Variants in C2orf76 observed in about 807,000 individuals in gnomAD.
C2orf76 encodes UPF0538 protein C2orf76.
A neutral mutation model predicts 16.9 loss-of-function variants in C2orf76; 23 were observed. The observed-to-expected ratio is 1.36, with a 90% CI of 0.98 to 1.93. C2orf76 has a LOEUF of 1.93. Among genes scored for constraint, C2orf76 ranks in the 30% most tolerant of loss-of-function variants. The pLI, the probability that C2orf76 is intolerant of heterozygous loss-of-function variation, is 0.00. For synonymous variants in C2orf76, 48 were observed against 52.3 expected, an observed-to-expected ratio of 0.92 and a Z score of 0.35; for missense variants, 152 against 152.6, an observed-to-expected ratio of 1.00 and a Z score of 0.02.
At position 119,322,769 on chromosome 2, in the gene C2orf76, C is replaced by A. The variant is rs187399169; in HGVS notation, c.134-1565G>T. Among the ~76,000 whole-genome samples the A allele has an allele frequency of 2.1e-4, 31 of 148,128 alleles. No individual in the cohort carries two copies. The East Asian group carries it at 6.0e-3, about 29-fold the overall frequency. ...TCAAGGCTAAAGAGATATGAGAGAA[C>A]ATTATTTTTAGGAAGCTACCTTTTG... On this transcript the variant is annotated intron_variant, in intron 2 of 5. Coordinates refer to ENST00000334816, the MANE Select transcript of C2orf76 (RefSeq NM_001322331.2).
chr2:119,299,795 T>C (rs1221991674), downstream of C2orf76, among the ~76,000 whole-genome samples: 17 of 152,242 alleles, frequency 1.1e-4, no homozygotes. Flanking sequence ...TGCTTAATTT[T>C]ATATTTTAAA....
chr2:119,360,892 T>C (rs1680724033), intron 1 of C2orf76, among the ~76,000 whole-genome samples: 1 of 152,198 alleles, frequency 6.6e-6, no homozygotes, highest in African/African-American at 2.4e-5. Context: ...AAAGGCTATA[T>C]ACCACAATTT....
chr2:119,308,749 G>A (rs1678878940), intron 5 of C2orf76, among the ~76,000 whole-genome samples: 1 of 152,206 alleles, frequency 6.6e-6, no homozygotes, highest in Admixed American at 6.5e-5. Flanking sequence ...ATACAGGGAA[G>A]GTCAGGGCTA....
chr2:119,342,788 G>T (rs1205650484), intron 1 of C2orf76, among the ~76,000 whole-genome samples: 1 of 151,954 alleles, frequency 6.6e-6, no homozygotes, highest in Non-Finnish European at 1.5e-5. Context: ...TTGAGATGGA[G>T]TCTCACTCTG....
At chr2:119,306,762 G>T (rs533487366) in intron 5 of C2orf76, among the ~76,000 whole-genome samples, 2 of 121,066 alleles carry the variant, frequency 1.7e-5, no homozygotes, top group Non-Finnish European at 3.4e-5. Context: ...TTTGAAGTAC[G>T]TATTTTCGTA....
intron 1 of C2orf76, among the ~76,000 whole-genome samples, chr2:119,342,412 A>C (rs1573666281): frequency 6.6e-6 from 1 of 152,072 alleles, no homozygotes; most frequent in African/African-American, 2.4e-5. Context: ...GGAGTTCGAG[A>C]CCATCCTGGC....
At chr2:119,309,411 T>C (rs1678910127) in intron 5 of C2orf76, among the ~76,000 whole-genome samples, 1 of 130,486 alleles carries the variant, frequency 7.7e-6, no homozygotes, top group South Asian at 2.6e-4. Context: ...TTTTTTTTTT[T>C]TTTTTTTTTT....
chr2:119,299,004 C>T (rs944176304), downstream of C2orf76, among the ~76,000 whole-genome samples: 1 of 152,130 alleles, frequency 6.6e-6, no homozygotes, highest in African/African-American at 2.4e-5. Context: ...CAGCCTTGAC[C>T]TCCTGGACCC....
chr2:119,339,439 A>G (rs895984335), intron 2 of C2orf76, among the ~76,000 whole-genome samples: 1 of 151,954 alleles, frequency 6.6e-6, no homozygotes, highest in Non-Finnish European at 1.5e-5. Context: ...CTCCCCTCCC[A>G]CCACACTTCC....
rs1319820152 is a variant in C2orf76, at chr2:119,339,807, AT to A, written c.133+19del. On this transcript the variant is annotated intron_variant, in intron 2 of 5. Transcript: ENST00000334816. The stretch of plus-strand genomic sequence containing the variant: ...TTTTAAAAACTACTAGTAAAACAAA[AT>A]GGCTTTCACATCTCATACCTTGCTT... 6.3e-7 allele frequency: 1 copy of A among 1,577,774 alleles called. No individual in the cohort carries two copies.
chr2:119,333,239 G>C (rs1206537582), intron 2 of C2orf76, among the ~76,000 whole-genome samples: 3 of 152,162 alleles, frequency 2.0e-5, no homozygotes, highest in Non-Finnish European at 4.4e-5. Context: ...CAAGGGACGG[G>C]TTCTCTACAG....
intron 2 of C2orf76, among the ~76,000 whole-genome samples, chr2:119,333,556 G>T (rs1268526615): frequency 6.6e-6 from 1 of 152,144 alleles, no homozygotes; most frequent in Non-Finnish European, 1.5e-5. Context: ...CTACATCAAG[G>T]CCAGCAAACT....
chr2:119,357,132 A>C (rs1206935694), intron 1 of C2orf76, among the ~76,000 whole-genome samples: 1 of 152,160 alleles, frequency 6.6e-6, no homozygotes, highest in Non-Finnish European at 1.5e-5. Flanking sequence ...TCTACAAAAC[A>C]TTTAAAGAAG....
At chr2:119,362,139 T>A (rs1278673339) in intron 1 of C2orf76, among the ~76,000 whole-genome samples, 1 of 152,242 alleles carries the variant, frequency 6.6e-6, no homozygotes, top group East Asian at 1.9e-4. Flanking sequence ...CTACTTCCAC[T>A]TACTGAACAG....
At chr2:119,334,460 C>T (rs772670400) in intron 2 of C2orf76, among the ~76,000 whole-genome samples, 32 of 149,210 alleles carry the variant, frequency 2.1e-4, no homozygotes, top group South Asian at 4.2e-4. Flanking sequence ...GCCGAGGCAG[C>T]GGACTGCCTG....
chr2:119,318,471 A>G (rs1399787510), intron 3 of C2orf76, among the ~76,000 whole-genome samples: 1 of 152,198 alleles, frequency 6.6e-6, no homozygotes, highest in Non-Finnish European at 1.5e-5. Flanking sequence ...TATCTAGATA[A>G]GAACTAGCAC....
At chr2:119,314,860 C>T (rs1679115028) in intron 4 of C2orf76, among the ~76,000 whole-genome samples, 1 of 152,146 alleles carries the variant, frequency 6.6e-6, no homozygotes, top group Admixed American at 6.5e-5. Flanking sequence ...TATTTTGGAA[C>T]TCTCATAGCA....
At chr2:119,331,390 G>A (rs1471651037) in intron 2 of C2orf76, among the ~76,000 whole-genome samples, 5 of 152,122 alleles carry the variant, frequency 3.3e-5, no homozygotes, top group African/African-American at 2.4e-5. Context: ...TAGGAGCTCC[G>A]AGCATTTCTC....
At chr2:119,294,086 G>T in the C2orf76 span, among the ~76,000 whole-genome samples, 3 of 152,136 alleles carry the variant, frequency 2.0e-5, no homozygotes, top group African/African-American at 7.2e-5. Flanking sequence ...TATAATTAGA[G>T]AAGTCAGAGG....
Sources: gnomAD v4.1 joint callset for allele counts (sites outside exome capture counted in the v4.1 genomes callset) on GRCh38, gnomAD v4.1.1 for gene constraint, MANE v1.5 for transcripts, NCBI Gene and HGNC (gene_info 2026-07-23, HGNC 2026-07-21) for gene names.